Variants in DGKB observed in about 807,000 individuals in gnomAD.
The protein encoded by DGKB is 90 kDa diacylglycerol kinase.
A neutral mutation model predicts 114.3 loss-of-function variants in DGKB; 67 were observed. That is an observed-to-expected ratio of 0.59 (90% confidence interval 0.48 to 0.72). The LOEUF (loss-of-function observed/expected upper bound fraction) is 0.72, where lower values mean the gene tolerates loss of function less well. Among genes scored for constraint, DGKB ranks in the 30% least tolerant of loss-of-function variants. The pLI, the probability that DGKB is intolerant of heterozygous loss-of-function variation, is 0.00. For missense variants in DGKB, 907 were observed against 975.2 expected (o/e 0.93, Z 0.93); for synonymous variants, 398 against 323.1 (o/e 1.23, Z -2.49).
At chr7:14,377,576 G>A (rs1818699342) in intron 21 of DGKB, among the ~76,000 whole-genome samples, 1 of 152,118 alleles carries the variant, frequency 6.6e-6, no homozygotes, top group Admixed American at 6.6e-5. Context: ...CTTGATAAGT[G>A]ATTTTAATAA....
intron 21 of DGKB, among the ~76,000 whole-genome samples, chr7:14,387,453 C>T (rs1157995446): frequency 1.3e-5 from 2 of 151,494 alleles, no homozygotes; most frequent in African/African-American, 4.8e-5. Flanking sequence ...CATTCTGTTG[C>T]CCAGGCTGGA....
At chr7:14,501,338 C>A (rs1399346257) in intron 20 of DGKB, among the ~76,000 whole-genome samples, 2 of 151,568 alleles carry the variant, frequency 1.3e-5, no homozygotes, top group Non-Finnish European at 1.5e-5. Flanking sequence ...AAAGAAATAT[C>A]ATCAGGAGGA....
At chr7:14,306,938 G>A (rs971326680) in intron 23 of DGKB, among the ~76,000 whole-genome samples, 1 of 152,078 alleles carries the variant, frequency 6.6e-6, no homozygotes, top group East Asian at 1.9e-4. Flanking sequence ...ATTTGTTCCT[G>A]TTCTTCAGGT....
intron 23 of DGKB, among the ~76,000 whole-genome samples, chr7:14,189,178 A>T (rs1297699528): frequency 2.0e-5 from 3 of 152,170 alleles, no homozygotes; most frequent in Non-Finnish European, 4.4e-5. Flanking sequence ...TCTAGTATGA[A>T]CGTTTAATGT....
chr7:14,896,053 T>G (rs1173488422), intron 1 of DGKB, among the ~76,000 whole-genome samples: 3 of 151,748 alleles, frequency 2.0e-5, no homozygotes, highest in Non-Finnish European at 4.4e-5. Flanking sequence ...TCTTCTTCCT[T>G]TCCAGTTCAT....
chr7:14,486,719 C>T (rs1271847706), intron 20 of DGKB, among the ~76,000 whole-genome samples: 1 of 152,136 alleles, frequency 6.6e-6, no homozygotes, highest in Non-Finnish European at 1.5e-5. Flanking sequence ...GCACCCAGAA[C>T]ACAGGGACCA....
chr7:14,149,113 G>C lies in DGKB; in HGVS notation c.*18C>G. ...CCAATTATGCTAATTCAATTTCTAA[G>C]AGTGAAACAACACAGGATTATTCCT... On this transcript the variant is annotated 3_prime_UTR_variant, in exon 26 of 26. Transcript: ENST00000402815. The C allele has an allele frequency of 6.3e-7, 1 of 1,598,284 alleles. No homozygotes were observed.
At chr7:14,502,053 C>T (rs945310380) in intron 20 of DGKB, among the ~76,000 whole-genome samples, 2 of 151,762 alleles carry the variant, frequency 1.3e-5, no homozygotes, top group Non-Finnish European at 2.9e-5. Flanking sequence ...TTATTTTTTT[C>T]CCTACTTGTT....
At chr7:14,238,295 G>A (rs1437440051) in intron 23 of DGKB, among the ~76,000 whole-genome samples, 2 of 151,854 alleles carry the variant, frequency 1.3e-5, no homozygotes, top group Non-Finnish European at 2.9e-5. Context: ...ATAGTGCTTG[G>A]CAGTTTCCCC....
chr7:14,405,350 G>A (rs576720890), intron 21 of DGKB, among the ~76,000 whole-genome samples: 1 of 152,068 alleles, frequency 6.6e-6, no homozygotes, highest in Non-Finnish European at 1.5e-5. Flanking sequence ...TTTTTAATAA[G>A]TTACTTAATC....
At chr7:14,969,809 G>C (rs1047864383) in intron 1 of DGKB, among the ~76,000 whole-genome samples, 1 of 152,146 alleles carries the variant, frequency 6.6e-6, no homozygotes, top group African/African-American at 2.4e-5. Context: ...CTGCAAAACT[G>C]TATAACACAT....
At chr7:14,716,900 A>G (rs536943262) in intron 6 of DGKB, among the ~76,000 whole-genome samples, 1 of 152,250 alleles carries the variant, frequency 6.6e-6, no homozygotes, top group Non-Finnish European at 1.5e-5. Context: ...ATTCTGGGCC[A>G]TAACAAGACT....
chr7:14,545,391 C>T (rs868159819), intron 20 of DGKB, among the ~76,000 whole-genome samples: 2 of 152,072 alleles, frequency 1.3e-5, no homozygotes, highest in Non-Finnish European at 2.9e-5. Flanking sequence ...AAATATATTG[C>T]CAAAAGCATG....
chr7:14,179,221 A>G (rs1343216837), intron 23 of DGKB, among the ~76,000 whole-genome samples: 2 of 152,234 alleles, frequency 1.3e-5, no homozygotes, highest in African/African-American at 4.8e-5. Flanking sequence ...ACTCACATCA[A>G]TAGAATCCCA....
intron 13 of DGKB, among the ~76,000 whole-genome samples, chr7:14,666,896 A>G (rs961026576): frequency 2.6e-5 from 4 of 152,056 alleles, no homozygotes; most frequent in African/African-American, 9.7e-5. Context: ...AAGATACTGG[A>G]TGCCAATTGC....
chr7:14,222,829 C>T (rs1311096641), intron 23 of DGKB, among the ~76,000 whole-genome samples: 1 of 151,404 alleles, frequency 6.6e-6, no homozygotes, highest in African/African-American at 2.4e-5. Flanking sequence ...TTTTGATTTT[C>T]TGTTGTTAGG....
At chr7:14,190,921 A>G (rs1484603851) in intron 23 of DGKB, 1 of 152,796 alleles carries the variant, frequency 6.5e-6, no homozygotes, top group African/African-American at 2.4e-5. Context: ...ACCATCGAAA[A>G]TTTTGAGGAA....
At chr7:14,252,952 G>T (rs1048277470) in intron 23 of DGKB, among the ~76,000 whole-genome samples, 1 of 152,010 alleles carries the variant, frequency 6.6e-6, no homozygotes, top group Non-Finnish European at 1.5e-5. Context: ...TCTTATTTCT[G>T]TGTTCCACTC....
In DGKB at chr7:14,345,404, AG is replaced by A; in HGVS notation, c.1836-14del. The A allele has an allele frequency of 7.1e-7, 1 of 1,406,362 alleles. No individual in the cohort carries two copies. The allele number at this position is 1,406,362 out of a possible 1,614,324, so 87.1% of individuals were successfully genotyped here. On this transcript the variant is annotated splice_polypyrimidine_tract_variant and intron_variant, in intron 21 of 25. Coordinates refer to ENST00000402815, the MANE Select transcript of DGKB (RefSeq NM_001350709.2). Reference sequence around the variant, plus strand: ...TTTGTTCTTCATTCTGAAAAAGAAAAGGAAGAAGCACCTTAGGCAATTATCA... The same window carrying A: ...TTTGTTCTTCATTCTGAAAAAGAAAAGAAGAAGCACCTTAGGCAATTATCA...
Sources: gnomAD v4.1 joint callset for allele counts (sites outside exome capture counted in the v4.1 genomes callset) on GRCh38, gnomAD v4.1.1 for gene constraint, MANE v1.5 for transcripts, NCBI Gene and HGNC (gene_info 2026-07-23, HGNC 2026-07-21) for gene names.